Variants in LINS1 observed in about 807,000 individuals in gnomAD.
LINS1 encodes lines homolog 1, also known as protein Lines homolog 1.
LINS1 carries 27 observed loss-of-function variants against 41.6 expected under a neutral mutation model. That is an observed-to-expected ratio of 0.65 (90% confidence interval 0.48 to 0.89). The LOEUF is 0.89. LINS1 is among the 40% of genes least tolerant of loss of function. LINS1 has a pLI of 0.00. For missense variants in LINS1, 955 were observed against 884.1 expected (o/e 1.08, Z -1.02); for synonymous variants, 336 against 312.9 (o/e 1.07, Z -0.78).
intron 5 of LINS1, chr15:100,573,029 CAAT>C (rs199732860): frequency 0.016 from 2,607 of 163,758 alleles, 39 homozygotes; most frequent in Non-Finnish European, 0.022. Context: ...GTAAACACAA[CAAT>C]AACAAAGAAA....
intron 3 of LINS1, among the ~76,000 whole-genome samples, chr15:100,578,486 C>T (rs1380112296): frequency 6.6e-6 from 1 of 151,576 alleles, no homozygotes; most frequent in African/African-American, 2.4e-5. Context: ...TACCATCTCA[C>T]ACCAGTTAGA....
At chr15:100,598,847 C>T (rs2039355633) in intron 1 of LINS1, among the ~76,000 whole-genome samples, 1 of 152,186 alleles carries the variant, frequency 6.6e-6, no homozygotes, top group South Asian at 2.1e-4. Flanking sequence ...AGAACACTGC[C>T]TGCTGCCAAC....
intron 1 of LINS1, among the ~76,000 whole-genome samples, chr15:100,592,089 T>C (rs1370803494): frequency 6.6e-6 from 1 of 152,216 alleles, no homozygotes; most frequent in Non-Finnish European, 1.5e-5. Flanking sequence ...TTCATTTACA[T>C]AGGGCATACA....
At chr15:100,583,500 ATGAT>A (rs1248448210) in intron 1 of LINS1, among the ~76,000 whole-genome samples, 16 of 152,362 alleles carry the variant, frequency 1.1e-4, no homozygotes, top group South Asian at 6.2e-4. Context: ...TGCATCCCAT[ATGAT>A]TGATTAATAC....
In LINS1 at chr15:100,573,780, C is replaced by A. The variant is rs775656649; in HGVS notation, c.1093G>T (p.Asp365Tyr). 1.2e-6 allele frequency: 2 copies of A among 1,614,200 alleles called. No homozygotes were observed. The highest frequency in any genetic ancestry group is 3.3e-5 in the Admixed American group (2 of 60,028). ...AGTTCACATTCAGGTTGAACTTCAT[C>A]ACCTCCAAAAAAGGAATGTTTTTCA... is the stretch of plus-strand genomic sequence containing the variant. ...VYEKHSFFGGDEVQPECELIT... is the reference protein window; with the variant it reads ...VYEKHSFFGGYEVQPECELIT... The change falls in exon 5 of 7, where the codon GAT becomes TAT. Residue 365 changes from aspartate (D) to tyrosine (Y), a missense_variant. Transcript: ENST00000314742.
chr15:100,601,577 CG>C (rs538996625), intron 1 of LINS1, among the ~76,000 whole-genome samples: 67 of 152,102 alleles, frequency 4.4e-4, no homozygotes, highest in African/African-American at 1.6e-3. Context: ...CAGCCCATCA[CG>C]TCCTGGTCAA....
intron 1 of LINS1, among the ~76,000 whole-genome samples, chr15:100,593,562 G>GCA (rs1555434967): frequency 2.5e-5 from 1 of 40,052 alleles, no homozygotes; most frequent in African/African-American, 5.7e-5. Flanking sequence ...AACTTTATGG[G>GCA]GGGGGGGGGT....
intron 1 of LINS1, among the ~76,000 whole-genome samples, chr15:100,588,603 C>T (rs2038909079): frequency 6.6e-6 from 1 of 152,156 alleles, no homozygotes; most frequent in African/African-American, 2.4e-5. Flanking sequence ...TGACTAAATG[C>T]TTTAAGGTCA....
chr15:100,569,823 A>G lies in LINS1; in HGVS notation c.1689T>C (p.Leu563=), dbSNP rs749995848. The G allele has an allele frequency of 6.2e-7, 1 of 1,614,192 alleles. No individual in the cohort carries two copies. The highest frequency in any genetic ancestry group is 8.5e-7 in the Non-Finnish European group (1 of 1,180,030). Residue 563 remains leucine (L), a synonymous_variant, in exon 7 of 7, where the codon CTT becomes CTC. Transcript: ENST00000314742. The part of the protein sequence containing the change: ...DISICGCVPS[L]VQDQSSNQTI... ...TTTGGTTGGAGCTTTGGTCTTGGAC[A>G]AGTGAGGGGACACAGCCACAAATAC...
Position 100,580,564 on chromosome 15 carries a change from T to C in LINS1, c.279A>G (p.Leu93=). 6.2e-7 allele frequency: 1 copy of C among 1,614,078 alleles called. No individual in the cohort carries two copies. Among genetic ancestry groups the C allele is most frequent in the Non-Finnish European group, 8.5e-7 (1 of 1,179,966 alleles). ...GGGTTGTCATCACTTTGATCACTGTTAACTGAAGGAGCATTACTTCTCTGG... is the reference window on the plus strand; with the variant it reads ...GGGTTGTCATCACTTTGATCACTGTCAACTGAAGGAGCATTACTTCTCTGG... ...SGSREVMLLQ[L]TVIKVMTTRI... Residue 93 remains leucine (L), a synonymous_variant, in exon 2 of 7, where the codon TTA becomes TTG. Transcript: ENST00000314742.
Position 100,580,632 on chromosome 15 carries a change from C to A in LINS1, c.211G>T (p.Val71Leu). 1 of 1,613,972 alleles carries A rather than the reference C, an allele frequency of 6.2e-7. No homozygotes were observed. The highest frequency in any genetic ancestry group is 1.1e-5 in the South Asian group (1 of 91,078). The change falls in exon 2 of 7, where the codon GTA (valine) becomes TTA (leucine). Residue 71 changes from valine (V) to leucine (L), a missense_variant. By Grantham distance (32) the Val-to-Leu change is conservative (BLOSUM62 1). Transcript: ENST00000314742. Reference sequence around the variant, plus strand: ...TTGGTCTTCAAACACACAGGTGCTACAGCAATGGGAGCCACACCAACAGAG... The same window carrying A: ...TTGGTCTTCAAACACACAGGTGCTAAAGCAATGGGAGCCACACCAACAGAG... ...PISVGVAPIA[V>L]APVCLKTNSQ...
chr15:100,579,879 A>G (rs1398184515), intron 3 of LINS1, among the ~76,000 whole-genome samples: 1 of 152,154 alleles, frequency 6.6e-6, no homozygotes, highest in Non-Finnish European at 1.5e-5. Flanking sequence ...TGTGAAATTC[A>G]CCTCTCAGGT....
In LINS1 at chr15:100,568,257, AC is replaced by A. The variant is rs1459805293; in HGVS notation, c.*980del. The A allele has an allele frequency of 1.3e-5, 2 of 152,216 alleles. No homozygotes were observed. Among genetic ancestry groups the A allele is most frequent in the Non-Finnish European group, 2.9e-5 (2 of 68,042 alleles). The allele number at this position is 152,216 out of a possible 1,614,324, so 9.4% of individuals were successfully genotyped here. On this transcript the variant is annotated 3_prime_UTR_variant, in exon 7 of 7. Transcript: ENST00000314742. The stretch of plus-strand genomic sequence containing the variant: ...GTAATATATCGCTTTCTGTGTAAAT[AC>A]CCCAGAAGGAAATAGTAACTGTATT...
chr15:100,599,832 G>A (rs1047623935), intron 1 of LINS1, among the ~76,000 whole-genome samples: 9 of 152,138 alleles, frequency 5.9e-5, no homozygotes, highest in African/African-American at 1.9e-4. Flanking sequence ...CTGGGAGGCC[G>A]AGGCGGGTGG....
intron 1 of LINS1, among the ~76,000 whole-genome samples, chr15:100,595,914 G>A (rs2039223634): frequency 2.0e-5 from 3 of 152,130 alleles, no homozygotes; most frequent in African/African-American, 4.8e-5. Flanking sequence ...TCCACCAATC[G>A]AAACTGCACT....
At chr15:100,585,723 T>C (rs2038774245) in intron 1 of LINS1, among the ~76,000 whole-genome samples, 1 of 152,212 alleles carries the variant, frequency 6.6e-6, no homozygotes, top group Non-Finnish European at 1.5e-5. Flanking sequence ...TTGTTATATG[T>C]TGTGTTTACT....
chr15:100,601,070 G>C (rs2141374234), intron 1 of LINS1, among the ~76,000 whole-genome samples: 1 of 152,246 alleles, frequency 6.6e-6, no homozygotes, highest in East Asian at 1.9e-4. Flanking sequence ...TAGCATCAGA[G>C]GCTTTGCATT....
At chr15:100,571,270 G>T (rs760187001) in intron 6 of LINS1, among the ~76,000 whole-genome samples, 2 of 152,198 alleles carry the variant, frequency 1.3e-5, no homozygotes, top group Non-Finnish European at 2.9e-5. Flanking sequence ...ATATGTGAGG[G>T]TTTTAATAAA....
chr15:100,596,967 G>C (rs1228344081), intron 1 of LINS1: 1 of 152,212 alleles, frequency 6.6e-6, no homozygotes, highest in East Asian at 1.9e-4. Flanking sequence ...GTGGCGCCCT[G>C]ATTCTGGGAA....
Sources: allele counts gnomAD v4.1 joint callset (sites outside exome capture counted in the v4.1 genomes callset), GRCh38; gene constraint gnomAD v4.1.1; transcripts MANE v1.5; gene names NCBI Gene and HGNC (gene_info 2026-07-23, HGNC 2026-07-21).